The following GALNT13 variants were observed in gnomAD, a reference collection of about 807,000 sequenced individuals.
GALNT13 encodes the protein polypeptide N-acetylgalactosaminyltransferase 13.
Under a neutral mutation model 64.2 loss-of-function variants are expected in GALNT13, and 28 were observed. The ratio of observed to expected loss-of-function variants is 0.44; its 90% CI spans 0.32 to 0.60. The LOEUF is 0.60. GALNT13 is among the 20% of genes least tolerant of loss of function. The probability of loss-of-function intolerance (pLI) is 0.05; values close to 1 mark genes in which losing one functional copy is unlikely to be tolerated. For synonymous variants in GALNT13, 214 were observed against 224.6 expected (o/e 0.95, Z 0.42); for missense variants, 577 against 669.8 (o/e 0.86, Z 1.53).
intron 10 of GALNT13, among the ~76,000 whole-genome samples, chr2:154,396,502 T>G (rs1699060842): frequency 6.6e-6 from 1 of 152,336 alleles, no homozygotes; most frequent in Non-Finnish European, 1.5e-5. Context: ...AATTAAACGT[T>G]ATATAATAAA....
At chr2:154,233,670 T>G (rs1452661368) in intron 4 of GALNT13, among the ~76,000 whole-genome samples, 1 of 152,180 alleles carries the variant, frequency 6.6e-6, no homozygotes, top group Non-Finnish European at 1.5e-5. Context: ...TGTTAGCCAT[T>G]TATAACTGCC....
intron 2 of GALNT13, among the ~76,000 whole-genome samples, chr2:153,922,993 G>A (rs960859297): frequency 3.9e-5 from 6 of 151,934 alleles, no homozygotes; most frequent in Admixed American, 1.3e-4. Context: ...TCCGCCTCCC[G>A]GGTTCAAGCA....
At chr2:153,178,732 C>CTTTTTTTTTT in the GALNT13 span, among the ~76,000 whole-genome samples, 6 of 98,414 alleles carry the variant, frequency 6.1e-5, no homozygotes, top group East Asian at 3.4e-4. Context: ...TTCTCTTCTT[C>CTTTTTTTTTT]TTTTTTTTTT....
At chr2:153,888,816 A>G (rs1687357419) in intron 1 of GALNT13, among the ~76,000 whole-genome samples, 1 of 151,948 alleles carries the variant, frequency 6.6e-6, no homozygotes, top group Non-Finnish European at 1.5e-5. Flanking sequence ...ATCTGCCAAC[A>G]TATTACACCA....
At chr2:153,139,951 A>G in the GALNT13 span, among the ~76,000 whole-genome samples, 1 of 152,008 alleles carries the variant, frequency 6.6e-6, no homozygotes, top group Admixed American at 6.6e-5. Context: ...TGACCAGATC[A>G]TGTTTAGAAG....
intron 4 of GALNT13, among the ~76,000 whole-genome samples, chr2:154,195,630 C>T (rs2105766469): frequency 6.6e-6 from 1 of 152,100 alleles, no homozygotes; most frequent in African/African-American, 2.4e-5. Flanking sequence ...TTTGGTCCAT[C>T]CTTTGTTTAG....
chr2:154,133,449 C>G (rs1682742951), intron 3 of GALNT13, among the ~76,000 whole-genome samples: 1 of 149,758 alleles, frequency 6.7e-6, no homozygotes, highest in African/African-American at 2.5e-5. Context: ...TGTATTAACA[C>G]ATATCAATTT....
At chr2:154,419,588 A>G (rs1464397083) in intron 11 of GALNT13, among the ~76,000 whole-genome samples, 2 of 152,152 alleles carry the variant, frequency 1.3e-5, no homozygotes, top group African/African-American at 4.8e-5. Flanking sequence ...ATGGGATCCT[A>G]CATTGATTTA....
the GALNT13 span, among the ~76,000 whole-genome samples, chr2:153,101,205 G>A: frequency 6.6e-6 from 1 of 152,082 alleles, no homozygotes; most frequent in Non-Finnish European, 1.5e-5. Context: ...TGCTTTGTGT[G>A]AATCTTATAT....
chr2:154,174,793 C>T (rs1373039692), intron 4 of GALNT13, among the ~76,000 whole-genome samples: 1 of 152,048 alleles, frequency 6.6e-6, no homozygotes, highest in Non-Finnish European at 1.5e-5. Flanking sequence ...TTTGTTTCTG[C>T]TATGTCTCAT....
the GALNT13 span, among the ~76,000 whole-genome samples, chr2:153,681,977 G>A: frequency 6.6e-6 from 1 of 151,682 alleles, no homozygotes; most frequent in Non-Finnish European, 1.5e-5. Context: ...TATGTACCAA[G>A]CATAGATGGT....
chr2:153,646,584 G>T, the GALNT13 span, among the ~76,000 whole-genome samples: 1 of 151,892 alleles, frequency 6.6e-6, no homozygotes, highest in African/African-American at 2.4e-5. Flanking sequence ...TTTACATTAG[G>T]TATATCTCCT....
chr2:153,929,092 T>A (rs916848707), intron 2 of GALNT13, among the ~76,000 whole-genome samples: 37 of 152,206 alleles, frequency 2.4e-4, no homozygotes, highest in Admixed American at 5.9e-4. Context: ...AATCCACTGC[T>A]TTTGTATATC....
chr2:154,304,472 C>G (rs181724910), intron 9 of GALNT13, among the ~76,000 whole-genome samples: 1 of 152,198 alleles, frequency 6.6e-6, no homozygotes, highest in African/African-American at 2.4e-5. Flanking sequence ...TGATTGCATG[C>G]AATGTACATT....
Position 154,336,201 on chromosome 2 carries a change from G to A in GALNT13, c.1156+34612G>A, listed in dbSNP as rs117458880. Among the ~76,000 whole-genome samples the A allele has an allele frequency of 7.2e-5, 11 of 152,158 alleles. No individual in the cohort carries two copies. The East Asian group carries it at 1.9e-3, about 27-fold the overall frequency. Reference sequence around the variant, plus strand: ...GTTTGGGATTAAAAGAACAGACTGTGTGGGGCAATCCAAATGGTTAATGGT... The same window carrying A: ...GTTTGGGATTAAAAGAACAGACTGTATGGGGCAATCCAAATGGTTAATGGT... On this transcript the variant is annotated intron_variant, in intron 9 of 12. Coordinates refer to ENST00000392825, the MANE Select transcript of GALNT13 (RefSeq NM_052917.4).
chr2:154,271,192 T>C (rs1162450023), intron 8 of GALNT13, among the ~76,000 whole-genome samples: 1 of 151,944 alleles, frequency 6.6e-6, no homozygotes, highest in Non-Finnish European at 1.5e-5. Flanking sequence ...TTTGCTTGGA[T>C]ACAACTTGGT....
the GALNT13 span, among the ~76,000 whole-genome samples, chr2:153,771,132 A>T: frequency 6.6e-6 from 1 of 152,120 alleles, no homozygotes. Context: ...ACATGGAAAT[A>T]TGCCCCAGCA....
chr2:153,564,131 A>G, the GALNT13 span, among the ~76,000 whole-genome samples: 1 of 152,068 alleles, frequency 6.6e-6, no homozygotes, highest in Non-Finnish European at 1.5e-5. Flanking sequence ...ACCAACTTCT[A>G]TTCTCAGAAG....
chr2:154,212,378 A>T (rs564552579), intron 4 of GALNT13, among the ~76,000 whole-genome samples: 1 of 151,702 alleles, frequency 6.6e-6, no homozygotes, highest in East Asian at 2.0e-4. Flanking sequence ...CGAGTAGCTG[A>T]GATTACAGGT....
Sources: allele counts gnomAD v4.1 joint callset (sites outside exome capture counted in the v4.1 genomes callset), GRCh38; gene constraint gnomAD v4.1.1; transcripts MANE v1.5; gene names NCBI Gene and HGNC (gene_info 2026-07-23, HGNC 2026-07-21).